Variants in RNF141 observed in about 807,000 individuals in gnomAD.
The protein encoded by RNF141 is ring finger protein 141, also known as C3HC4-like zinc finger protein.
RNF141 carries 18 observed loss-of-function variants against 27.4 expected under a neutral mutation model. That is an observed-to-expected ratio of 0.66 (90% CI 0.45 to 0.97). The LOEUF is 0.97. Among genes scored for constraint, RNF141 ranks in the 50% least tolerant of loss-of-function variants. RNF141 has a pLI of 0.00. For missense variants in RNF141, 230 were observed against 279.4 expected, an observed-to-expected ratio of 0.82 and a Z score of 1.26; for synonymous variants, 97 against 96.6, an observed-to-expected ratio of 1.00 and a Z score of -0.02.
At chr11:10,534,275 C>A in intron 1 of RNF141, 70 bp from the exon 2 acceptor site, 2 of 1,140,686 alleles carry the variant, frequency 1.8e-6, no homozygotes, top group African/African-American at 1.6e-5. Flanking sequence ...TCTTCAAAAA[C>A]ATAAAGAAAA....
chr11:10,527,449 T>A (rs192332760), intron 3 of RNF141, among the ~76,000 whole-genome samples: 1 of 151,986 alleles, frequency 6.6e-6, no homozygotes, highest in African/African-American at 2.4e-5. Flanking sequence ...CAACAGGAAA[T>A]ACAAAGGCTG....
chr11:10,529,934 A>G (rs1849971104), intron 3 of RNF141, among the ~76,000 whole-genome samples: 1 of 152,114 alleles, frequency 6.6e-6, no homozygotes, highest in Non-Finnish European at 1.5e-5. Context: ...CAAAGGAAAA[A>G]TCTCCTAACC....
chr11:10,516,623 G>A (rs12290357), intron 5 of RNF141: 29,858 of 152,200 alleles, frequency 0.2, 3,863 homozygotes, highest in African/African-American at 0.36. Context: ...ATCAGTGTGT[G>A]CATGTGAAGA....
intron 4 of RNF141, among the ~76,000 whole-genome samples, chr11:10,520,665 A>G (rs534155576): frequency 6.6e-6 from 1 of 152,386 alleles, no homozygotes; most frequent in East Asian, 1.9e-4. Flanking sequence ...ATAATTATCA[A>G]GTATTACTGT....
intron 2 of RNF141, among the ~76,000 whole-genome samples, chr11:10,531,353 C>A (rs914445980): frequency 1.5e-5 from 2 of 136,132 alleles, no homozygotes; most frequent in Non-Finnish European, 3.1e-5. Context: ...CCAGCCTGGG[C>A]GACAGAGTGA....
chr11:10,540,845 T>C (rs999982778), intron 1 of RNF141: 2 of 152,018 alleles, frequency 1.3e-5, no homozygotes, highest in East Asian at 1.9e-4. Flanking sequence ...AAGGAAAAAC[T>C]CTCTCCGGGT....
chr11:10,534,471 C>T (rs1850016469), intron 1 of RNF141, among the ~76,000 whole-genome samples: 2 of 104,204 alleles, frequency 1.9e-5, no homozygotes, highest in African/African-American at 3.5e-5. Context: ...AGCACATGTG[C>T]ATGTGTACAC....
At chr11:10,540,463 T>C (rs949836852) in intron 1 of RNF141, among the ~76,000 whole-genome samples, 2 of 152,256 alleles carry the variant, frequency 1.3e-5, no homozygotes, top group African/African-American at 4.8e-5. Flanking sequence ...AGAAGCCTTC[T>C]GCTCCTGCTG....
intron 5 of RNF141, chr11:10,516,741 T>C (rs1323213201): frequency 6.6e-6 from 1 of 152,254 alleles, no homozygotes; most frequent in Admixed American, 6.5e-5. Context: ...GAAAACCTCA[T>C]AACTCTTGGG....
chr11:10,524,152 T>C lies in RNF141; in HGVS notation c.434+1040A>G, dbSNP rs1451188423. On this transcript the variant is annotated intron_variant, in intron 4 of 5. Transcript: ENST00000265981. ...ACCACTGGCCGGGCATGGTGGCTCA[T>C]GCCTGTAATCCCAGCACTCTGGGAG... is the stretch of plus-strand genomic sequence containing the variant. Among the ~76,000 whole-genome samples, 4 of 152,072 alleles carry C rather than the reference T, an allele frequency of 2.6e-5. No individual in the cohort carries two copies. In the East Asian group the frequency reaches 7.7e-4, roughly 29 times the overall value.
At chr11:10,533,380 A>G (rs78422509) in intron 2 of RNF141, among the ~76,000 whole-genome samples, 4,026 of 152,202 alleles carry the variant, frequency 0.026, 75 homozygotes, top group African/African-American at 0.057. Context: ...AGAGAAATTT[A>G]TATTTCATTT....
chr11:10,526,781 C>CA (rs762457068), intron 3 of RNF141, among the ~76,000 whole-genome samples: 1,630 of 80,386 alleles, frequency 0.02, 14 homozygotes, highest in African/African-American at 0.053. Flanking sequence ...GACTACGTCT[C>CA]AAAAAAAAAA....
intron 1 of RNF141, among the ~76,000 whole-genome samples, chr11:10,537,053 T>G (rs1850043932): frequency 6.6e-6 from 1 of 152,252 alleles, no homozygotes; most frequent in Non-Finnish European, 1.5e-5. Context: ...TTTAAATATC[T>G]GAGGAGCTGT....
intron 1 of RNF141, among the ~76,000 whole-genome samples, chr11:10,537,609 C>G (rs139348520): frequency 1.2e-3 from 187 of 152,162 alleles, no homozygotes; most frequent in Admixed American, 1.8e-3. Context: ...GAGAAAAACA[C>G]ACAAATTTTA....
intron 3 of RNF141, among the ~76,000 whole-genome samples, chr11:10,527,029 T>G (rs889847730): frequency 6.6e-6 from 1 of 152,228 alleles, no homozygotes; most frequent in Non-Finnish European, 1.5e-5. Flanking sequence ...TGGAACTGCA[T>G]AGTACAGAAG....
chr11:10,527,865 A>G (rs538949524), intron 3 of RNF141, among the ~76,000 whole-genome samples: 1 of 152,134 alleles, frequency 6.6e-6, no homozygotes, highest in South Asian at 2.1e-4. Context: ...GTAGATGGTG[A>G]GAGCTAGCCA....
intron 5 of RNF141, chr11:10,515,752 T>C (rs186612660): frequency 1.3e-5 from 2 of 152,306 alleles, no homozygotes; most frequent in Admixed American, 6.5e-5. Flanking sequence ...CTTTCAACAA[T>C]ATATCTACCT....
At chr11:10,519,251 C>T (rs994874530) in intron 4 of RNF141, 110 bp from the exon 5 acceptor site, 1 of 751,816 alleles carries the variant, frequency 1.3e-6, no homozygotes, top group Non-Finnish European at 2.1e-6. Context: ...CAGTATAAAG[C>T]ACAATATGAC....
At chr11:10,530,539 G>A (rs977224134) in intron 3 of RNF141, 104 bp downstream of exon 3, 11 of 543,940 alleles carry the variant, frequency 2.0e-5, no homozygotes, top group South Asian at 4.2e-5. Context: ...CAAAACCACC[G>A]AGTTATTAAA....
Sources: gnomAD v4.1 joint callset for allele counts (sites outside exome capture counted in the v4.1 genomes callset) on GRCh38, gnomAD v4.1.1 for gene constraint, MANE v1.5 for transcripts, NCBI Gene and HGNC (gene_info 2026-07-23, HGNC 2026-07-21) for gene names.